SPEF2: variants seen among roughly 807,000 people sequenced by gnomAD.
The protein encoded by SPEF2 is sperm flagella and cilia-associated protein 2.
SPEF2 carries 187 observed loss-of-function variants against 224.6 expected under a neutral mutation model. The ratio of observed to expected loss-of-function variants is 0.83; its 90% CI spans 0.74 to 0.94. The LOEUF is 0.94. Among genes scored for constraint, SPEF2 ranks in the 40% least tolerant of loss-of-function variants. The pLI is 0.00. For missense variants in SPEF2, 2,170 were observed against 2,135.6 expected (o/e 1.02, Z -0.32); for synonymous variants, 715 against 707.3 (o/e 1.01, Z -0.17).
Position 35,628,502 on chromosome 5 carries a change from T to G in SPEF2, c.101T>G (p.Leu34Arg). 1 of 1,614,062 alleles carries G rather than the reference T, an allele frequency of 6.2e-7. No homozygotes were observed. Among genetic ancestry groups the G allele is most frequent in the Non-Finnish European group, 8.5e-7 (1 of 1,179,992 alleles). ...FAKAFSSGYL[L>R]GEVLHKFELQ... ...AAGGCATTTTCCAGTGGCTATCTAC[T>G]TGGAGAAGTTCTACACAAGTTTGAA... The change falls in exon 2 of 37, where the codon CTT becomes CGT. Residue 34 changes from leucine to arginine, a missense_variant. Leu to Arg is a moderately radical substitution (Grantham distance 102). Transcript: ENST00000356031.
At chr5:35,730,831 A>G (rs1228678095) in intron 21 of SPEF2, among the ~76,000 whole-genome samples, 1 of 152,214 alleles carries the variant, frequency 6.6e-6, no homozygotes, top group African/African-American at 2.4e-5. Context: ...CTAAACAGGA[A>G]TAAGGCTCTA....
chr5:35,753,366 T>C (rs761056439), intron 23 of SPEF2, among the ~76,000 whole-genome samples: 1 of 152,114 alleles, frequency 6.6e-6, no homozygotes, highest in African/African-American at 2.4e-5. Flanking sequence ...TAGCCATTCA[T>C]GAATAAAGTA....
chr5:35,811,977 A>G (rs1260334346), intron 36 of SPEF2, among the ~76,000 whole-genome samples: 1 of 151,518 alleles, frequency 6.6e-6, no homozygotes, highest in African/African-American at 2.4e-5. Flanking sequence ...TTTATTAGAG[A>G]TGGGTTTTCA....
chr5:35,762,575 CTTGAGTCTACAA>C (rs1751460702), intron 25 of SPEF2, among the ~76,000 whole-genome samples: 1 of 152,170 alleles, frequency 6.6e-6, no homozygotes, highest in Non-Finnish European at 1.5e-5. Flanking sequence ...TCTCCAGCAA[CTTGAGTCTACAA>C]AACCAAATGC....
intron 6 of SPEF2, 26 bp from the exon 7 acceptor site, chr5:35,654,514 T>G (rs373050077): frequency 6.6e-7 from 1 of 1,515,442 alleles, no homozygotes; most frequent in Non-Finnish European, 8.8e-7. Flanking sequence ...TATTTAAAAA[T>G]CTAAAATAAA....
intron 20 of SPEF2, among the ~76,000 whole-genome samples, chr5:35,722,479 G>A (rs1249470905): frequency 6.7e-6 from 1 of 149,930 alleles, no homozygotes; most frequent in Non-Finnish European, 1.5e-5. Context: ...TTTTTTTCAA[G>A]GTTTTTTTTC....
chr5:35,767,784 T>C (rs1406061491), intron 26 of SPEF2, among the ~76,000 whole-genome samples: 1 of 152,082 alleles, frequency 6.6e-6, no homozygotes, highest in Admixed American at 6.6e-5. Flanking sequence ...ATGATGTGTA[T>C]AAGGATACTA....
intron 29 of SPEF2, 114 bp downstream of exon 29, chr5:35,776,509 C>T: frequency 8.1e-7 from 1 of 1,234,366 alleles, no homozygotes; most frequent in Admixed American, 2.4e-5. Flanking sequence ...TAAATTTTGG[C>T]CTTTTAGGAA....
At position 35,751,024 on chromosome 5, in the gene SPEF2, C is replaced by CATAT. The variant is rs1491524547; in HGVS notation, c.3331-2600_3331-2599insATAT. Among the ~76,000 whole-genome samples the CATAT allele has an allele frequency of 9.1e-4, 78 of 85,626 alleles. 2 individuals carry two copies. Among genetic ancestry groups the CATAT allele is most frequent in the African/African-American group, 3.5e-3 (71 of 20,274 alleles). 56.2% of individuals were successfully genotyped at this position (85,626 alleles called of 152,430 possible). On this transcript the variant is annotated intron_variant, in intron 23 of 36. Coordinates refer to ENST00000356031, the MANE Select transcript of SPEF2 (RefSeq NM_024867.4). ...ATATATATATATACGTATATATATA[C>CATAT]GTATATATATACACATATGTATATA... is the stretch of plus-strand genomic sequence containing the variant.
chr5:35,764,580 T>C (rs1347891235), intron 26 of SPEF2: 1 of 456,176 alleles, frequency 2.2e-6, no homozygotes, highest in Admixed American at 2.3e-5. Flanking sequence ...TTTCACAACA[T>C]GCCAAGCCTT....
In SPEF2 at chr5:35,793,300, A is replaced by G. The variant is rs1357386833; in HGVS notation, c.4696A>G (p.Lys1566Glu). The change falls in exon 32 of 37, where the codon AAG (lysine) becomes GAG (glutamate). Residue 1566 changes from lysine to glutamate, a missense_variant. Coordinates refer to ENST00000356031, the MANE Select transcript of SPEF2 (RefSeq NM_024867.4). ...ETLQKFKAVD[K>E]EQLGTITFEQ... is the part of the protein sequence containing the mutation. The stretch of plus-strand genomic sequence containing the variant: ...CCTTCAGAAGTTCAAGGCTGTGGAT[A>G]AGGAGCAGTTGGGCACCATCACTTT... 1.9e-6 allele frequency: 3 copies of G among 1,614,146 alleles called. No individual in the cohort carries two copies. The highest frequency in any genetic ancestry group is 2.5e-6 in the Non-Finnish European group (3 of 1,180,006).
intron 30 of SPEF2, among the ~76,000 whole-genome samples, chr5:35,786,257 G>A (rs1167751160): frequency 6.6e-6 from 1 of 152,224 alleles, no homozygotes; most frequent in Non-Finnish European, 1.5e-5. Flanking sequence ...AGAAAATGCA[G>A]GCAGTAGCTG....
intron 2 of SPEF2, among the ~76,000 whole-genome samples, chr5:35,632,770 A>G (rs1745313862): frequency 1.3e-5 from 2 of 152,068 alleles, no homozygotes; most frequent in Non-Finnish European, 1.5e-5. Flanking sequence ...ATCTTTATTT[A>G]TCTCAAATAA....
intron 25 of SPEF2, among the ~76,000 whole-genome samples, chr5:35,760,104 G>A (rs888521134): frequency 6.6e-6 from 1 of 152,156 alleles, no homozygotes; most frequent in Non-Finnish European, 1.5e-5. Flanking sequence ...GCTCACACCT[G>A]TAATCCCAGC....
In SPEF2 at chr5:35,776,411, A is replaced by T; in HGVS notation, c.4217+16A>T. The T allele has an allele frequency of 6.3e-7, 1 of 1,589,048 alleles. No individual in the cohort carries two copies. The highest frequency in any genetic ancestry group is 8.5e-7 in the Non-Finnish European group (1 of 1,171,392). On this transcript the variant is annotated intron_variant, in intron 29 of 36. Transcript: ENST00000356031. ...AAATGGCCAGGTAAAGTACTACATG[A>T]CTTTCTGAAAATATGCTTTGTGTAT...
intron 25 of SPEF2, among the ~76,000 whole-genome samples, chr5:35,760,055 T>C (rs1451940098): frequency 6.6e-6 from 1 of 151,976 alleles, no homozygotes; most frequent in African/African-American, 2.4e-5. Flanking sequence ...GCCCCAACGG[T>C]TTCTGGTAAG....
intron 23 of SPEF2, among the ~76,000 whole-genome samples, chr5:35,750,410 A>C (rs1314762878): frequency 6.6e-6 from 1 of 152,204 alleles, no homozygotes; most frequent in Admixed American, 6.5e-5. Flanking sequence ...CAGAGTAAAA[A>C]GACAACCCAC....
At chr5:35,789,183 G>A in intron 30 of SPEF2, 1 of 702,950 alleles carries the variant, frequency 1.4e-6, no homozygotes, top group South Asian at 1.5e-5. Flanking sequence ...AGTGACACCA[G>A]TCAAAAGAAA....
chr5:35,694,385 T>C (rs1443329426), intron 13 of SPEF2, 22 bp downstream of exon 13: 1 of 1,583,938 alleles, frequency 6.3e-7, no homozygotes, highest in Admixed American at 1.7e-5. Context: ...AAACAAATCA[T>C]CTATTATTTA....
Sources: allele counts gnomAD v4.1 joint callset (sites outside exome capture counted in the v4.1 genomes callset), GRCh38; gene constraint gnomAD v4.1.1; transcripts MANE v1.5; gene names NCBI Gene and HGNC (gene_info 2026-07-23, HGNC 2026-07-21).